The following CDYL2 variants were observed in gnomAD, a reference collection of about 807,000 sequenced individuals.
The protein encoded by CDYL2 is chromodomain Y-like protein 2.
In CDYL2, 23 loss-of-function variants were observed where a neutral mutation model predicts 49.4. The ratio of observed to expected loss-of-function variants is 0.47; its 90% CI spans 0.34 to 0.66. CDYL2 has a LOEUF of 0.66. Ranked by LOEUF, CDYL2 falls within the 30% of genes least tolerant of loss-of-function variation. CDYL2 has a pLI of 0.01. For synonymous variants in CDYL2, 360 were observed against 268.8 expected, an observed-to-expected ratio of 1.34 and a Z score of -3.32; for missense variants, 678 against 656.4, an observed-to-expected ratio of 1.03 and a Z score of -0.36.
chr16:80,757,142 A>T (rs1302503148), intron 1 of CDYL2, among the ~76,000 whole-genome samples: 2 of 152,218 alleles, frequency 1.3e-5, no homozygotes, highest in Non-Finnish European at 2.9e-5. Context: ...AGAGAAAATG[A>T]CCACTGTTTG....
chr16:80,629,325 G>C (rs1285310305), intron 3 of CDYL2, among the ~76,000 whole-genome samples: 2 of 152,154 alleles, frequency 1.3e-5, no homozygotes, highest in African/African-American at 4.8e-5. Flanking sequence ...GCCTAGTAGT[G>C]GACTGTAATG....
intron 2 of CDYL2, among the ~76,000 whole-genome samples, chr16:80,639,404 A>T (rs959636457): frequency 2.0e-5 from 3 of 152,230 alleles, no homozygotes; most frequent in Non-Finnish European, 2.9e-5. Flanking sequence ...CCAAAACACA[A>T]AAAACTGCAG....
intron 2 of CDYL2, among the ~76,000 whole-genome samples, chr16:80,658,881 A>C (rs1002132318): frequency 2.0e-5 from 3 of 152,190 alleles, no homozygotes; most frequent in Admixed American, 1.3e-4. Context: ...TAAAAATAGG[A>C]AGTGATCAAA....
Position 80,633,220 on chromosome 16 carries a change from G to T in CDYL2, c.633C>A (p.Asn211Lys). ...AENGLGSALTNGGLNLHSPVK... is the reference protein window; with the variant it reads ...AENGLGSALTKGGLNLHSPVK... ...CTGGACTGTGCAGGTTCAATCCCCC[G>T]TTGGTCAGAGCAGAGCCTTCCAAAA... The change falls in exon 3 of 7, where the codon AAC becomes AAA. Residue 211 changes from asparagine (N) to lysine (K), a missense_variant. Physicochemically the swap from Asn to Lys is moderately conservative, Grantham distance 94 (BLOSUM62 0). Around this residue, in one of 3 missense-constraint regions of CDYL2, gnomAD observed 478 missense variants for 427.0 expected, o/e 1.12. Transcript: ENST00000570137. 5 of 1,614,086 alleles carry T rather than the reference G, an allele frequency of 3.1e-6. No homozygotes were observed. The highest frequency in any genetic ancestry group is 3.4e-6 in the Non-Finnish European group (4 of 1,179,970).
At chr16:80,798,947 C>T (rs867738448) in intron 1 of CDYL2, among the ~76,000 whole-genome samples, 2 of 151,972 alleles carry the variant, frequency 1.3e-5, no homozygotes, top group Non-Finnish European at 2.9e-5. Context: ...GAAAATTAAA[C>T]TGTCATTTAA....
intron 2 of CDYL2, among the ~76,000 whole-genome samples, chr16:80,661,981 T>A (rs528244576): frequency 6.6e-6 from 1 of 152,270 alleles, no homozygotes; most frequent in East Asian, 1.9e-4. Flanking sequence ...ACTCCAGCAA[T>A]CACAACATAC....
At chr16:80,784,089 A>G (rs1481544817) in intron 1 of CDYL2, among the ~76,000 whole-genome samples, 5 of 152,244 alleles carry the variant, frequency 3.3e-5, no homozygotes, top group South Asian at 2.1e-4. Context: ...GTAAATATAT[A>G]TAAGTACTTT....
At chr16:80,759,264 G>A (rs927497567) in intron 1 of CDYL2, among the ~76,000 whole-genome samples, 3 of 150,968 alleles carry the variant, frequency 2.0e-5, no homozygotes, top group Admixed American at 1.3e-4. Flanking sequence ...CATAATTTCT[G>A]TGTTGGGTAT....
At position 80,604,947 on chromosome 16, in the gene CDYL2, G is replaced by A. The variant is rs541805017; in HGVS notation, c.1363-401C>T. Among the ~76,000 whole-genome samples, 18 of 152,328 alleles carry A rather than the reference G, an allele frequency of 1.2e-4. No homozygotes were observed. The South Asian group carries it at 1.9e-3, about 16-fold the overall frequency. On this transcript the variant is annotated intron_variant, in intron 6 of 6. Coordinates refer to ENST00000570137, the MANE Select transcript of CDYL2 (RefSeq NM_152342.4). ...GATCACTGAGAACACAGAATAAGAC[G>A]ATGAAATGAACGAATGGTTGTCACA... is the stretch of plus-strand genomic sequence containing the variant.
intron 1 of CDYL2, among the ~76,000 whole-genome samples, chr16:80,785,271 G>A (rs1418181427): frequency 6.6e-6 from 1 of 152,116 alleles, no homozygotes; most frequent in East Asian, 1.9e-4. Context: ...CAAAGTCTCA[G>A]GATATAAAAT....
intron 1 of CDYL2, among the ~76,000 whole-genome samples, chr16:80,793,461 C>G (rs769256826): frequency 1.8e-4 from 27 of 152,162 alleles, no homozygotes; most frequent in Non-Finnish European, 3.1e-4. Context: ...TCTTAGAAAA[C>G]AGAGGGACTA....
At chr16:80,604,984 C>G (rs886318019) in intron 6 of CDYL2, among the ~76,000 whole-genome samples, 1 of 152,174 alleles carries the variant, frequency 6.6e-6, no homozygotes, top group Admixed American at 6.5e-5. Context: ...ACAACTCACC[C>G]TGAGAGCAAT....
chr16:80,726,825 T>C (rs778987170), intron 1 of CDYL2, among the ~76,000 whole-genome samples: 64 of 151,620 alleles, frequency 4.2e-4, no homozygotes, highest in Non-Finnish European at 6.8e-4. Context: ...TGGTGGCTCA[T>C]GCCTATAATC....
At chr16:80,792,162 G>A (rs906462888) in intron 1 of CDYL2, among the ~76,000 whole-genome samples, 1 of 152,146 alleles carries the variant, frequency 6.6e-6, no homozygotes, top group Admixed American at 6.5e-5. Context: ...AGTTTAAAGA[G>A]CCCAAGTGAA....
chr16:80,638,267 G>T (rs111823072), intron 2 of CDYL2, among the ~76,000 whole-genome samples: 41 of 152,228 alleles, frequency 2.7e-4, no homozygotes, highest in African/African-American at 9.4e-4. Flanking sequence ...AGAGAACAGG[G>T]TCTCACTATG....
At chr16:80,672,559 G>GGAAAT (rs1909568716) in intron 2 of CDYL2, among the ~76,000 whole-genome samples, 1 of 129,614 alleles carries the variant, frequency 7.7e-6, no homozygotes, top group African/African-American at 3.1e-5. Context: ...GGAAAGGAAA[G>GGAAAT]GAAAGGAAAG....
chr16:80,750,253 A>G (rs1329526713), intron 1 of CDYL2, among the ~76,000 whole-genome samples: 1 of 152,046 alleles, frequency 6.6e-6, no homozygotes, highest in Non-Finnish European at 1.5e-5. Context: ...AAAGTTAAAA[A>G]GAAGAAAAAT....
At chr16:80,628,855 T>TCAGACATTTAACAAGTCACCC (rs1261599556) in intron 3 of CDYL2, among the ~76,000 whole-genome samples, 5 of 152,030 alleles carry the variant, frequency 3.3e-5, no homozygotes, top group Non-Finnish European at 7.4e-5. Flanking sequence ...GGGGGGGATA[T>TCAGACATTTAACAAGTCACCC]CAGACATTTA....
chr16:80,804,220 G>A lies in CDYL2; in HGVS notation c.-47C>T. On this transcript the variant is annotated 5_prime_UTR_variant, in exon 1 of 7. Coordinates refer to ENST00000570137, the MANE Select transcript of CDYL2 (RefSeq NM_152342.4). ...CGCCGGTGTGCGCGTCTGCTCGCTC[G>A]CGCCCTCCGTGCGTGTGCGCGCGGG... 2 of 1,336,832 alleles carry A rather than the reference G, an allele frequency of 1.5e-6. No individual in the cohort carries two copies. Among genetic ancestry groups the A allele is most frequent in the Admixed American group, 2.6e-5 (1 of 38,072 alleles). The allele number at this position is 1,336,832 out of a possible 1,614,324, so 82.8% of individuals were successfully genotyped here.
Sources: gnomAD v4.1 joint callset for allele counts (sites outside exome capture counted in the v4.1 genomes callset) on GRCh38, gnomAD v4.1.1 for gene constraint, gnomAD v4.1.1 regional missense constraint, MANE v1.5 for transcripts, NCBI Gene and HGNC (gene_info 2026-07-23, HGNC 2026-07-21) for gene names.